The following SPON1 variants were observed in gnomAD, a reference collection of about 807,000 sequenced individuals.
SPON1 encodes the protein spondin 1, also known as spondin-1.
In SPON1, 52 loss-of-function variants were observed where a neutral mutation model predicts 111.7. The observed-to-expected ratio is 0.47, with a 90% CI of 0.37 to 0.59. SPON1 has a LOEUF of 0.59. Ranked by LOEUF, SPON1 falls within the 20% of genes least tolerant of loss-of-function variation. The probability of loss-of-function intolerance (pLI) is 0.00; values close to 1 mark genes in which losing one functional copy is unlikely to be tolerated. For synonymous variants in SPON1, 410 were observed against 395.8 expected, an observed-to-expected ratio of 1.04 and a Z score of -0.43; for missense variants, 957 against 1,068.5, an observed-to-expected ratio of 0.90 and a Z score of 1.46.
intron 2 of SPON1, among the ~76,000 whole-genome samples, chr11:14,001,061 T>C (rs1233922323): frequency 6.6e-6 from 1 of 152,158 alleles, no homozygotes; most frequent in Non-Finnish European, 1.5e-5. Context: ...CTCTAATTAC[T>C]TCCATCAGAG....
At chr11:14,075,926 A>G (rs1480939907) in intron 4 of SPON1, among the ~76,000 whole-genome samples, 3 of 152,166 alleles carry the variant, frequency 2.0e-5, no homozygotes, top group African/African-American at 7.2e-5. Flanking sequence ...TTGCAAACTT[A>G]TCAACCTTCT....
chr11:14,186,601 C>G (rs939972954), intron 6 of SPON1, among the ~76,000 whole-genome samples: 3 of 152,234 alleles, frequency 2.0e-5, no homozygotes, highest in Non-Finnish European at 2.9e-5. Context: ...CTCTCCAATC[C>G]TGGCTGTCCC....
chr11:14,112,177 A>T (rs1490583127), intron 5 of SPON1, among the ~76,000 whole-genome samples: 11 of 152,292 alleles, frequency 7.2e-5, no homozygotes, highest in Middle Eastern at 6.8e-3. Flanking sequence ...GGTCTTAAAC[A>T]CAGCAACTAG....
chr11:14,157,731 A>T (rs1471325806), intron 6 of SPON1, among the ~76,000 whole-genome samples: 1 of 151,782 alleles, frequency 6.6e-6, no homozygotes, highest in African/African-American at 2.4e-5. Context: ...ATTATTTATC[A>T]TTTTCCCTCC....
intron 6 of SPON1, among the ~76,000 whole-genome samples, chr11:14,138,005 A>G (rs1847611580): frequency 6.6e-6 from 1 of 152,254 alleles, no homozygotes; most frequent in African/African-American, 2.4e-5. Flanking sequence ...CATTAAAATA[A>G]GCAAGAATAT....
At chr11:14,030,460 C>T (rs542691469) in intron 2 of SPON1, among the ~76,000 whole-genome samples, 59 of 152,240 alleles carry the variant, frequency 3.9e-4, no homozygotes, top group African/African-American at 1.3e-3. Context: ...CAATGGTGCT[C>T]GTGGCCACGT....
At chr11:14,034,403 G>A (rs982365907) in intron 2 of SPON1, among the ~76,000 whole-genome samples, 15 of 152,210 alleles carry the variant, frequency 9.9e-5, no homozygotes, top group African/African-American at 3.1e-4. Flanking sequence ...GTGTGGAGAC[G>A]TTTGGGATTG....
At chr11:14,100,483 T>C (rs903470211) in intron 5 of SPON1, among the ~76,000 whole-genome samples, 3 of 152,214 alleles carry the variant, frequency 2.0e-5, no homozygotes, top group East Asian at 3.8e-4. Flanking sequence ...GTTGTTCTTA[T>C]GGTGGTTGCC....
At chr11:14,055,243 T>C (rs1405287430) in intron 3 of SPON1, among the ~76,000 whole-genome samples, 1 of 152,102 alleles carries the variant, frequency 6.6e-6, no homozygotes, top group Non-Finnish European at 1.5e-5. Context: ...CTGCCTTGCC[T>C]TCTTCATCAG....
At chr11:14,225,208 C>A (rs1848724194) in intron 6 of SPON1, among the ~76,000 whole-genome samples, 1 of 152,036 alleles carries the variant, frequency 6.6e-6, no homozygotes, top group South Asian at 2.1e-4. Context: ...ACCAGCATGT[C>A]TTTTTTTCTG....
At chr11:14,084,127 G>A (rs189212397) in intron 5 of SPON1, among the ~76,000 whole-genome samples, 1 of 152,034 alleles carries the variant, frequency 6.6e-6, no homozygotes, top group African/African-American at 2.4e-5. Context: ...GTTTTTTCAA[G>A]GACATTCTTT....
At chr11:14,202,384 A>C (rs1224472489) in intron 6 of SPON1, among the ~76,000 whole-genome samples, 1 of 152,170 alleles carries the variant, frequency 6.6e-6, no homozygotes, top group Admixed American at 6.5e-5. Flanking sequence ...TTCTGTGAAC[A>C]CAAGGACCTC....
intron 1 of SPON1, among the ~76,000 whole-genome samples, chr11:13,963,378 C>G (rs1455660846): frequency 3.9e-5 from 6 of 152,202 alleles, no homozygotes; most frequent in Non-Finnish European, 7.4e-5. Flanking sequence ...CCCCGCGTTT[C>G]CGACGCGCGG....
intron 6 of SPON1, among the ~76,000 whole-genome samples, chr11:14,198,585 C>G (rs1591408144): frequency 6.6e-6 from 1 of 152,230 alleles, no homozygotes; most frequent in East Asian, 1.9e-4. Context: ...ACACACTGCT[C>G]TGCTAAAGAT....
At chr11:14,210,022 CT>C (rs1554936535) in intron 6 of SPON1, among the ~76,000 whole-genome samples, 2 of 152,166 alleles carry the variant, frequency 1.3e-5, no homozygotes, top group Non-Finnish European at 2.9e-5. Flanking sequence ...CGATGATGGG[CT>C]TTTTTTCGTA....
chr11:14,062,572 A>G (rs1848799508), intron 3 of SPON1, among the ~76,000 whole-genome samples: 1 of 152,170 alleles, frequency 6.6e-6, no homozygotes, highest in Non-Finnish European at 1.5e-5. Flanking sequence ...TTGGCAGGAG[A>G]GTGAATTGTA....
At chr11:14,249,329 C>G (rs1374240007) in intron 7 of SPON1, among the ~76,000 whole-genome samples, 1 of 152,164 alleles carries the variant, frequency 6.6e-6, no homozygotes, top group African/African-American at 2.4e-5. Flanking sequence ...CTGCACAGGT[C>G]CACCGATGTC....
chr11:14,131,395 GT>G (rs1232471832), intron 5 of SPON1, among the ~76,000 whole-genome samples: 1 of 152,200 alleles, frequency 6.6e-6, no homozygotes, highest in African/African-American at 2.4e-5. Flanking sequence ...CCTATTAGAT[GT>G]TTGAGCCTAG....
At chr11:13,965,677 AGGTTTT>A (rs1848010641) in intron 1 of SPON1, among the ~76,000 whole-genome samples, 1 of 152,176 alleles carries the variant, frequency 6.6e-6, no homozygotes, top group African/African-American at 2.4e-5. Context: ...AACCATGCTG[AGGTTTT>A]CCAAGTAAAT....
Sources: allele counts gnomAD v4.1 joint callset (sites outside exome capture counted in the v4.1 genomes callset), GRCh38; gene constraint gnomAD v4.1.1; transcripts MANE v1.5; gene names NCBI Gene and HGNC (gene_info 2026-07-23, HGNC 2026-07-21).